The following KLHDC4 variants were observed in gnomAD, a reference collection of about 807,000 sequenced individuals.
KLHDC4 encodes the protein kelch domain-containing protein 4.
In KLHDC4, 90 loss-of-function variants were observed where a neutral mutation model predicts 62.4. That is an observed-to-expected ratio of 1.44 (90% CI 1.22 to 1.72). The LOEUF (loss-of-function observed/expected upper bound fraction) is 1.72. Ranked by LOEUF, KLHDC4 falls within the 40% of genes most tolerant of loss-of-function variation. KLHDC4 has a pLI of 0.00. For synonymous variants in KLHDC4, 386 were observed against 284.4 expected, an observed-to-expected ratio of 1.36 and a Z score of -3.59; for missense variants, 1,025 against 699.7, an observed-to-expected ratio of 1.47 and a Z score of -5.25.
At chr16:87,707,562 C>G (rs77016861), downstream of KLHDC4, among the ~76,000 whole-genome samples, 1 of 152,126 alleles carries the variant, frequency 6.6e-6, no homozygotes, top group African/African-American at 2.4e-5. Flanking sequence ...GCATCAGAGG[C>G]TGATCCCAAG....
chr16:87,720,953 C>G (rs564506598), intron 7 of KLHDC4, among the ~76,000 whole-genome samples: 1 of 152,230 alleles, frequency 6.6e-6, no homozygotes, highest in Admixed American at 6.5e-5. Flanking sequence ...CTCTGCGTGT[C>G]TGAACCGGGA....
chr16:87,756,453 A>G lies in KLHDC4; in HGVS notation c.216T>C (p.His72=), dbSNP rs199613996. Residue 72 remains histidine, a synonymous_variant, in exon 3 of 12, where the codon CAT becomes CAC. Transcript: ENST00000270583. ...SPRLNASLSV[H]PEKDELILFG... ...AAAGGATTAACTCATCTTTCTCAGG[A>G]TGAACCGAGAGGGAGGCATTTAACC... 5 of 1,613,986 alleles carry G rather than the reference A, an allele frequency of 3.1e-6. No individual in the cohort carries two copies. Among genetic ancestry groups the G allele is most frequent in the Admixed American group, 1.7e-5 (1 of 60,008 alleles).
At chr16:87,748,876 C>A (rs961549743) in intron 4 of KLHDC4, 67 bp from the exon 5 acceptor site, 4 of 1,592,668 alleles carry the variant, frequency 2.5e-6, no homozygotes, top group Admixed American at 1.7e-5. Context: ...CATGGGTGAC[C>A]GGTAGTGGTG....
In KLHDC4 at chr16:87,756,367, A is replaced by G. The variant is rs748665865; in HGVS notation, c.270+32T>C. 9 of 1,488,548 alleles carry G rather than the reference A, an allele frequency of 6.0e-6. No homozygotes were observed. The South Asian group carries it at 7.9e-5, about 13-fold the overall frequency. The allele number at this position is 1,488,548 out of a possible 1,614,324, so 92.2% of individuals were successfully genotyped here. On this transcript the variant is annotated intron_variant, in intron 3 of 11. Coordinates refer to ENST00000270583, the MANE Select transcript of KLHDC4 (RefSeq NM_017566.4). ...TTCTGTCAAATGATACTCACGCAAC[A>G]TGGGAAGAAAAGAAAAAAATATATA... is the stretch of plus-strand genomic sequence containing the variant.
intron 7 of KLHDC4, among the ~76,000 whole-genome samples, chr16:87,725,786 A>G (rs2039259556): frequency 6.6e-6 from 1 of 152,156 alleles, no homozygotes; most frequent in African/African-American, 2.4e-5. Flanking sequence ...GTACACGTGC[A>G]GAGCACACGC....
chr16:87,702,545 C>A (rs1281879885), exon 1 of KLHDC4: 3 of 353,894 alleles, frequency 8.5e-6, no homozygotes, highest in African/African-American at 6.4e-5. Context: ...CAGGCGCCCC[C>A]TCCTGGACGC....
intron 5 of KLHDC4, chr16:87,740,596 A>C (rs536904896): frequency 1.3e-5 from 2 of 152,272 alleles, no homozygotes; most frequent in South Asian, 4.1e-4. Context: ...GTCAAAGGAA[A>C]ATGCTCTGCA....
chr16:87,721,585 C>T (rs1421858105), intron 7 of KLHDC4, among the ~76,000 whole-genome samples: 6 of 152,154 alleles, frequency 3.9e-5, no homozygotes, highest in Non-Finnish European at 8.8e-5. Flanking sequence ...CCTCAGGGGC[C>T]AGGTGAGCAC....
intron 7 of KLHDC4, among the ~76,000 whole-genome samples, chr16:87,721,104 A>G (rs1020286663): frequency 7.9e-5 from 12 of 152,032 alleles, no homozygotes; most frequent in Non-Finnish European, 1.6e-4. Context: ...AAGACTGAAC[A>G]TTTTCAGCTT....
chr16:87,710,011 G>A (rs974702636), intron 9 of KLHDC4: 1 of 271,236 alleles, frequency 3.7e-6, no homozygotes, highest in African/African-American at 2.2e-5. Context: ...CGCTCACCCT[G>A]GGAAAACCCA....
At chr16:87,708,122 G>A (rs775252292) in intron 11 of KLHDC4, 47 bp from the exon 12 acceptor site, 1 of 663,978 alleles carries the variant, frequency 1.5e-6, no homozygotes, top group Non-Finnish European at 2.8e-6. Context: ...ATTCAGCCGA[G>A]GGGGAGGCCC....
intron 5 of KLHDC4, among the ~76,000 whole-genome samples, chr16:87,745,769 G>A (rs1219908890): frequency 2.0e-5 from 3 of 152,136 alleles, no homozygotes; most frequent in African/African-American, 7.2e-5. Context: ...TCAGCACCCC[G>A]AGCTGACTAC....
chr16:87,761,891 G>A (rs1162744399), intron 2 of KLHDC4, 58 bp downstream of exon 2: 4 of 1,545,220 alleles, frequency 2.6e-6, no homozygotes, highest in Admixed American at 1.7e-5. Flanking sequence ...ATTTAAAGCA[G>A]TTTTTCAATG....
At position 87,714,491 on chromosome 16, in the gene KLHDC4, C is replaced by A; in HGVS notation, c.835+7G>T. 1.2e-6 allele frequency: 2 copies of A among 1,614,116 alleles called. No homozygotes were observed. Among genetic ancestry groups the A allele is most frequent in the Non-Finnish European group, 1.7e-6 (2 of 1,179,998 alleles). On this transcript the variant is annotated splice_region_variant and intron_variant, in intron 8 of 11. Coordinates refer to ENST00000270583, the MANE Select transcript of KLHDC4 (RefSeq NM_017566.4). ...CAGCTCCCGCCCTGGAGGCACAGCA[C>A]CTCTACCTTCTCTTCCGTCCTCTGG...
chr16:87,719,794 A>ATCT (rs1481985687), intron 7 of KLHDC4, among the ~76,000 whole-genome samples: 1 of 152,210 alleles, frequency 6.6e-6, no homozygotes, highest in East Asian at 1.9e-4. Flanking sequence ...CATCTGAGAG[A>ATCT]GAGATCAAGT....
intron 8 of KLHDC4, among the ~76,000 whole-genome samples, chr16:87,713,979 T>C (rs182591670): frequency 6.6e-6 from 1 of 152,216 alleles, no homozygotes; most frequent in African/African-American, 2.4e-5. Flanking sequence ...TGAGGGCCAA[T>C]AGCAGTCTCG....
intron 1 of KLHDC4, chr16:87,765,357 A>C (rs1482725514): frequency 2.2e-6 from 1 of 459,986 alleles, no homozygotes; most frequent in African/African-American, 2.0e-5. Context: ...AAAGAAAAGT[A>C]AGGTTCAGAA....
intron 5 of KLHDC4, chr16:87,740,571 C>A (rs1453048917): frequency 6.6e-6 from 1 of 152,226 alleles, no homozygotes; most frequent in African/African-American, 2.4e-5. Flanking sequence ...CCCATCTCCA[C>A]CAGGACACAC....
At chr16:87,710,349 A>C (rs568525047) in intron 9 of KLHDC4, 2 of 152,342 alleles carry the variant, frequency 1.3e-5, no homozygotes, top group African/African-American at 4.8e-5. Flanking sequence ...GTTATTTCCA[A>C]ATTTTCCAAG....
Sources: allele counts gnomAD v4.1 joint callset (sites outside exome capture counted in the v4.1 genomes callset), GRCh38; gene constraint gnomAD v4.1.1; transcripts MANE v1.5; gene names NCBI Gene and HGNC (gene_info 2026-07-23, HGNC 2026-07-21).